The following EPB41L2 variants were observed in gnomAD, a reference collection of about 807,000 sequenced individuals.
EPB41L2 encodes the protein erythrocyte membrane protein band 4.1 like 2.
In EPB41L2, 43 loss-of-function variants were observed where a neutral mutation model predicts 113.0. That is an observed-to-expected ratio of 0.38 (90% CI 0.30 to 0.49). The LOEUF is 0.49. Among genes scored for constraint, EPB41L2 ranks in the 20% least tolerant of loss-of-function variants. The probability of loss-of-function intolerance (pLI) is 0.95; values close to 1 mark genes in which losing one functional copy is unlikely to be tolerated. For missense variants in EPB41L2, 1,147 were observed against 1,223.4 expected, an observed-to-expected ratio of 0.94 and a Z score of 0.93; for synonymous variants, 442 against 436.7, an observed-to-expected ratio of 1.01 and a Z score of -0.15.
chr6:130,911,174 A>C (rs1583354353), intron 4 of EPB41L2, among the ~76,000 whole-genome samples: 1 of 152,236 alleles, frequency 6.6e-6, no homozygotes, highest in African/African-American at 2.4e-5. Context: ...GCACATATAC[A>C]CCACGAAATA....
intron 3 of EPB41L2, among the ~76,000 whole-genome samples, chr6:130,944,172 T>TACACACAC (rs869217556): frequency 2.7e-4 from 34 of 125,628 alleles, no homozygotes; most frequent in African/African-American, 8.0e-4. Flanking sequence ...TACACACACA[T>TACACACAC]ACACACACAC....
chr6:130,898,678 C>T (rs1310253485), intron 8 of EPB41L2, among the ~76,000 whole-genome samples: 2 of 152,014 alleles, frequency 1.3e-5, no homozygotes, highest in Non-Finnish European at 2.9e-5. Flanking sequence ...CTGTGACTCT[C>T]GTTAGTATAC....
chr6:131,058,973 G>A lies in EPB41L2; in HGVS notation c.-15+4182C>T, dbSNP rs562498656. 5.8e-4 allele frequency among the ~76,000 whole-genome samples: 88 copies of A among 152,248 alleles called. 1 individual carries two copies. In the South Asian group the frequency reaches 0.017, roughly 30 times the overall value. ...GGAGGTTGCAGTGAGCCAAGATCAC[G>A]TCACTGCACTCCAGCCTGAACGACA... On this transcript the variant is annotated intron_variant, in intron 1 of 19. Coordinates refer to ENST00000337057, the MANE Select transcript of EPB41L2 (RefSeq NM_001431.4).
chr6:130,945,030 C>G (rs1812327201), intron 3 of EPB41L2, among the ~76,000 whole-genome samples: 1 of 152,196 alleles, frequency 6.6e-6, no homozygotes, highest in African/African-American at 2.4e-5. Context: ...GACATGCCAC[C>G]TTGACCAATG....
chr6:130,880,957 AG>A, intron 12 of EPB41L2: 1 of 154,234 alleles, frequency 6.5e-6, no homozygotes, highest in South Asian at 2.1e-4. Context: ...TGGCTGGGGG[AG>A]GGGGATTGGC....
chr6:130,920,054 C>T (rs1802380603), intron 4 of EPB41L2, among the ~76,000 whole-genome samples: 2 of 152,122 alleles, frequency 1.3e-5, no homozygotes, highest in African/African-American at 4.8e-5. Context: ...TTATTCAAGA[C>T]TAATCCTCTT....
intron 1 of EPB41L2, among the ~76,000 whole-genome samples, chr6:131,023,764 G>GATATATAGATATATAT (rs1790163632): frequency 8.8e-6 from 1 of 113,556 alleles, no homozygotes; most frequent in African/African-American, 3.3e-5. Flanking sequence ...TAGATATATA[G>GATATATAGATATATAT]ATATATAGAT....
At position 130,955,233 on chromosome 6, in the gene EPB41L2, C is replaced by G. The variant is rs1489951589; in HGVS notation, c.577G>C (p.Glu193Gln). Reference protein sequence around the residue: ...DKLEGGAAKRETKEVQTNELK... With the variant: ...DKLEGGAAKRQTKEVQTNELK... Reference sequence around the variant, plus strand: ...TCATTGGTCTGCACTTCCTTGGTCTCCCTTTTTGCTGCTCCTCCTTCTAAT... The same window carrying G: ...TCATTGGTCTGCACTTCCTTGGTCTGCCTTTTTGCTGCTCCTCCTTCTAAT... The change falls in exon 3 of 20, where the codon GAG becomes CAG. Residue 193 changes from glutamate to glutamine, a missense_variant. Coordinates refer to ENST00000337057, the MANE Select transcript of EPB41L2 (RefSeq NM_001431.4). 6.2e-7 allele frequency: 1 copy of G among 1,614,150 alleles called. No individual in the cohort carries two copies. The highest frequency in any genetic ancestry group is 8.5e-7 in the Non-Finnish European group (1 of 1,180,028).
intron 2 of EPB41L2, 80 bp from the exon 3 acceptor site, chr6:130,955,397 T>C: frequency 7.5e-7 from 1 of 1,329,740 alleles, no homozygotes; most frequent in Non-Finnish European, 1.1e-6. Flanking sequence ...AAATCTTTCA[T>C]AAGAATTAGG....
chr6:130,991,234 C>T (rs1449096787), intron 1 of EPB41L2, among the ~76,000 whole-genome samples: 1 of 152,062 alleles, frequency 6.6e-6, no homozygotes, highest in African/African-American at 2.4e-5. Context: ...TTCCACTGCC[C>T]CCATCTGCCA....
chr6:131,017,197 C>T (rs1458963042), intron 1 of EPB41L2, among the ~76,000 whole-genome samples: 4 of 152,158 alleles, frequency 2.6e-5, no homozygotes, highest in African/African-American at 9.7e-5. Flanking sequence ...TAAAAATATA[C>T]ATAAACATGT....
chr6:131,059,718 C>T (rs753906538), intron 1 of EPB41L2, among the ~76,000 whole-genome samples: 2 of 152,160 alleles, frequency 1.3e-5, no homozygotes, highest in African/African-American at 4.8e-5. Flanking sequence ...TGACTCCTAA[C>T]GGTTCAGCCC....
intron 1 of EPB41L2, among the ~76,000 whole-genome samples, chr6:130,972,281 G>A (rs948381336): frequency 2.2e-5 from 3 of 134,922 alleles, no homozygotes; most frequent in East Asian, 2.3e-4. Context: ...CCAAGATTGC[G>A]CCATTGCACT....
intron 3 of EPB41L2, among the ~76,000 whole-genome samples, chr6:130,943,584 A>G (rs957203986): frequency 1.4e-4 from 22 of 152,352 alleles, no homozygotes; most frequent in Admixed American, 1.1e-3. Flanking sequence ...GTATGTCAGG[A>G]TGGCTGCTCA....
chr6:131,042,910 T>C (rs757587713), intron 1 of EPB41L2, among the ~76,000 whole-genome samples: 1 of 152,216 alleles, frequency 6.6e-6, no homozygotes, highest in Non-Finnish European at 1.5e-5. Flanking sequence ...GATGTGGTGT[T>C]TGCAGAGGAT....
chr6:130,866,220 C>CAT (rs951347064), intron 16 of EPB41L2, among the ~76,000 whole-genome samples: 7 of 152,164 alleles, frequency 4.6e-5, no homozygotes, highest in Admixed American at 2.6e-4. Flanking sequence ...TGTGCTCCTA[C>CAT]ATATATATAA....
chr6:130,841,549 T>C lies in EPB41L2; in HGVS notation c.*6-951A>G, dbSNP rs7769463. On this transcript the variant is annotated intron_variant, in intron 19 of 19. Transcript: ENST00000337057. Reference sequence around the variant, plus strand: ...AGACCAGTGCAGGAGTCCAGCTGGATGAGGAAGATGACAAATGTCAGGCAT... The same window carrying C: ...AGACCAGTGCAGGAGTCCAGCTGGACGAGGAAGATGACAAATGTCAGGCAT... Among the ~76,000 whole-genome samples, 798 of 152,264 alleles carry C rather than the reference T, an allele frequency of 5.2e-3. 6 individuals carry two copies. The highest frequency in any genetic ancestry group is 0.018 in the African/African-American group (760 of 41,560).
At chr6:130,932,671 T>C (rs1583592590) in intron 3 of EPB41L2, among the ~76,000 whole-genome samples, 1 of 152,162 alleles carries the variant, frequency 6.6e-6, no homozygotes. Context: ...TTCACATCTA[T>C]GGCACTTATT....
At chr6:130,846,118 G>T (rs1582567167) in intron 19 of EPB41L2, among the ~76,000 whole-genome samples, 3 of 152,286 alleles carry the variant, frequency 2.0e-5, no homozygotes, top group African/African-American at 4.8e-5. Flanking sequence ...TTGGAAAATG[G>T]TGTTTTGGCC....
Sources: gnomAD v4.1 joint callset for allele counts (sites outside exome capture counted in the v4.1 genomes callset) on GRCh38, gnomAD v4.1.1 for gene constraint, MANE v1.5 for transcripts, NCBI Gene and HGNC (gene_info 2026-07-23, HGNC 2026-07-21) for gene names.